ST6GALNAC3: variants seen among roughly 807,000 people sequenced by gnomAD.
ST6GALNAC3 encodes the protein alpha-N-acetylgalactosaminide alpha-2,6-sialyltransferase 3.
In ST6GALNAC3, 25 loss-of-function variants were observed where a neutral mutation model predicts 32.7. That is an observed-to-expected ratio of 0.76 (90% CI 0.56 to 1.07). ST6GALNAC3 has a LOEUF of 1.07. Among genes scored for constraint, ST6GALNAC3 ranks in the 50% least tolerant of loss-of-function variants. The pLI is 0.00. For synonymous variants in ST6GALNAC3, 129 were observed against 133.1 expected (o/e 0.97, Z 0.21); for missense variants, 355 against 382.4 (o/e 0.93, Z 0.60).
At chr1:76,469,105 A>G (rs6691403) in intron 3 of ST6GALNAC3, among the ~76,000 whole-genome samples, 37,240 of 152,006 alleles carry the variant, frequency 0.24, 6,082 homozygotes, top group African/African-American at 0.47. Context: ...GCATATGTTT[A>G]TTTTAAATTC....
chr1:76,097,879 A>G (rs1647162644), intron 1 of ST6GALNAC3, among the ~76,000 whole-genome samples: 1 of 152,140 alleles, frequency 6.6e-6, no homozygotes, highest in African/African-American at 2.4e-5. Context: ...TTGTTGGGGC[A>G]TAAGATATAT....
intron 1 of ST6GALNAC3, among the ~76,000 whole-genome samples, chr1:76,280,967 A>G (rs1215958079): frequency 6.6e-6 from 1 of 152,228 alleles, no homozygotes; most frequent in Admixed American, 6.5e-5. Flanking sequence ...TATTATGCTC[A>G]CTTTATGCCA....
intron 3 of ST6GALNAC3, among the ~76,000 whole-genome samples, chr1:76,612,450 TCAAATGA>T (rs1647998299): frequency 1.3e-5 from 2 of 152,154 alleles, no homozygotes; most frequent in African/African-American, 4.8e-5. Context: ...GAGCTAAAAG[TCAAATGA>T]CATTCATATC....
At chr1:76,305,903 A>G (rs1306961717) in intron 1 of ST6GALNAC3, 1 of 518,080 alleles carries the variant, frequency 1.9e-6, no homozygotes, top group Admixed American at 1.9e-5. Context: ...GAACTCTGAT[A>G]TTCTGCCTCT....
chr1:76,278,749 T>G (rs1489406858), intron 1 of ST6GALNAC3, among the ~76,000 whole-genome samples: 5 of 152,106 alleles, frequency 3.3e-5, no homozygotes, highest in African/African-American at 1.2e-4. Flanking sequence ...ACGTTCGAAG[T>G]TAGGTGTTAT....
At chr1:76,467,719 T>C (rs1658733160) in intron 3 of ST6GALNAC3, among the ~76,000 whole-genome samples, 1 of 152,010 alleles carries the variant, frequency 6.6e-6, no homozygotes, top group Non-Finnish European at 1.5e-5. Flanking sequence ...CAATTTTTTT[T>C]CTCCTATACT....
At chr1:76,101,194 C>G (rs981933635) in intron 1 of ST6GALNAC3, among the ~76,000 whole-genome samples, 2 of 152,182 alleles carry the variant, frequency 1.3e-5, no homozygotes, top group African/African-American at 4.8e-5. Flanking sequence ...CTGGAAACCA[C>G]TGACCTTTCT....
intron 2 of ST6GALNAC3, among the ~76,000 whole-genome samples, chr1:76,352,450 C>T (rs893951396): frequency 4.7e-5 from 7 of 149,720 alleles, no homozygotes; most frequent in Non-Finnish European, 8.9e-5. Flanking sequence ...GCCTGTCCCT[C>T]CTGCTTTCCC....
At chr1:76,334,057 CT>C (rs1216668640) in intron 2 of ST6GALNAC3, among the ~76,000 whole-genome samples, 1 of 152,192 alleles carries the variant, frequency 6.6e-6, no homozygotes, top group Non-Finnish European at 1.5e-5. Context: ...AAGATACCAT[CT>C]CTTGCCTTCA....
intron 2 of ST6GALNAC3, among the ~76,000 whole-genome samples, chr1:76,329,198 C>T (rs143768670): frequency 5.3e-5 from 8 of 152,138 alleles, no homozygotes; most frequent in African/African-American, 1.9e-4. Context: ...ACCTGAGCCA[C>T]CTTGACATTT....
At chr1:76,303,562 T>C (rs1660857352) in intron 1 of ST6GALNAC3, among the ~76,000 whole-genome samples, 1 of 152,066 alleles carries the variant, frequency 6.6e-6, no homozygotes, top group Admixed American at 6.6e-5. Context: ...TGCCTGATAC[T>C]TGCTGAGTAC....
At chr1:76,311,449 G>A (rs556145800) in intron 1 of ST6GALNAC3, among the ~76,000 whole-genome samples, 2 of 152,186 alleles carry the variant, frequency 1.3e-5, no homozygotes, top group Admixed American at 6.5e-5. Context: ...TTCCCTGACA[G>A]GACCCGGTGT....
At chr1:76,463,504 A>G (rs760308363) in intron 3 of ST6GALNAC3, among the ~76,000 whole-genome samples, 1 of 152,178 alleles carries the variant, frequency 6.6e-6, no homozygotes, top group Non-Finnish European at 1.5e-5. Flanking sequence ...TGAGCAGCAA[A>G]TTGAAAATGC....
intron 1 of ST6GALNAC3, among the ~76,000 whole-genome samples, chr1:76,211,798 GC>G (rs1459610131): frequency 3.3e-5 from 5 of 152,036 alleles, no homozygotes; most frequent in African/African-American, 2.4e-5. Context: ...GGTGGGGGGA[GC>G]GGGGAGGGAT....
At chr1:76,607,436 T>C (rs1183524846) in intron 3 of ST6GALNAC3, among the ~76,000 whole-genome samples, 2 of 152,144 alleles carry the variant, frequency 1.3e-5, no homozygotes, top group African/African-American at 4.8e-5. Context: ...ACTGTAATCA[T>C]ATAATTGGTT....
chr1:76,276,442 T>C (rs1221111140), intron 1 of ST6GALNAC3, among the ~76,000 whole-genome samples: 1 of 152,194 alleles, frequency 6.6e-6, no homozygotes, highest in Non-Finnish European at 1.5e-5. Flanking sequence ...CTTCTGCCAC[T>C]TGCCTTTTTG....
At chr1:76,479,640 C>T (rs950530801) in intron 3 of ST6GALNAC3, among the ~76,000 whole-genome samples, 19 of 152,140 alleles carry the variant, frequency 1.2e-4, no homozygotes, top group African/African-American at 4.1e-4. Context: ...CATGATAACT[C>T]ATTTCCCTAG....
intron 1 of ST6GALNAC3, among the ~76,000 whole-genome samples, chr1:76,107,851 C>A (rs1267278398): frequency 2.6e-5 from 4 of 152,142 alleles, no homozygotes; most frequent in Non-Finnish European, 4.4e-5. Context: ...TTTTTTGGCC[C>A]ATTTTTGCTC....
chr1:76,482,994 C>T (rs1012432473), intron 3 of ST6GALNAC3, among the ~76,000 whole-genome samples: 12 of 150,832 alleles, frequency 8.0e-5, no homozygotes, highest in African/African-American at 1.5e-4. Flanking sequence ...TTTGTCCTTG[C>T]GACAGTTTGC....
Sources: allele counts gnomAD v4.1 joint callset (sites outside exome capture counted in the v4.1 genomes callset), GRCh38; gene constraint gnomAD v4.1.1; transcripts MANE v1.5; gene names NCBI Gene and HGNC (gene_info 2026-07-23, HGNC 2026-07-21).